ARHGAP6: variants seen among roughly 807,000 people sequenced by gnomAD.
ARHGAP6 encodes the protein Rho GTPase activating protein 6, also known as rho GTPase-activating protein 6.
Under a neutral mutation model 55.7 loss-of-function variants are expected in ARHGAP6, and 16 were observed. The observed-to-expected ratio is 0.29, with a 90% CI of 0.19 to 0.44. The LOEUF (loss-of-function observed/expected upper bound fraction) is 0.44, where lower values mean the gene tolerates loss of function less well. ARHGAP6 is among the 20% of genes least tolerant of loss of function. ARHGAP6 has a pLI of 1.00. For synonymous variants in ARHGAP6, 382 were observed against 360.9 expected (o/e 1.06, Z -0.66); for missense variants, 698 against 808.9 (o/e 0.86, Z 1.66).
rs892828458 is a variant in ARHGAP6 at position 11,196,959 on chromosome X, C to T, written c.786G>A (p.Leu262=). 1.6e-5 allele frequency: 18 copies of T among 1,112,927 alleles called. No homozygotes were observed. Among genetic ancestry groups the T allele is most frequent in the Non-Finnish European group, 2.1e-5 (17 of 806,986 alleles). The allele number at this position is 1,112,927 out of a possible 1,213,427, so 91.7% of individuals were successfully genotyped here. ...TGTTTTTCTCCTTTCCTAGTGAATC[C>T]AGTTTCTTTCTTAAAGATTTCTTTC... The part of the protein sequence containing the change: ...QKRKKSLRKK[L]DSLGKEKNKD... Residue 262 remains leucine (L), a synonymous_variant, in exon 3 of 13, where the codon CTG becomes CTA. Coordinates refer to ENST00000337414, the MANE Select transcript of ARHGAP6 (RefSeq NM_013427.3).
At chrX:11,370,730 T>C (rs1259327558) in intron 1 of ARHGAP6, among the ~76,000 whole-genome samples, 1 of 111,743 alleles carries the variant, frequency 8.9e-6, no homozygotes, top group Non-Finnish European at 1.9e-5. Context: ...ATAGTACCTA[T>C]GGCATGAAGA....
intron 1 of ARHGAP6, among the ~76,000 whole-genome samples, chrX:11,492,287 T>C (rs896111103): frequency 3.6e-5 from 4 of 111,350 alleles, no homozygotes; most frequent in African/African-American, 9.8e-5. Context: ...TCCTTGCCCA[T>C]GCCTATGTCC....
chrX:11,384,421 CA>C (rs1302186496), intron 1 of ARHGAP6, among the ~76,000 whole-genome samples: 14 of 111,839 alleles, frequency 1.3e-4, no homozygotes, highest in Admixed American at 1.0e-3. Context: ...TAATCAACAA[CA>C]AAAAACTCTG....
intron 1 of ARHGAP6, among the ~76,000 whole-genome samples, chrX:11,417,069 T>G: frequency 3.0e-5 from 1 of 33,045 alleles, no homozygotes; most frequent in South Asian, 3.2e-3. Flanking sequence ...CATATATATA[T>G]ATATATATAT....
chrX:11,303,956 T>C (rs974659737), intron 1 of ARHGAP6, among the ~76,000 whole-genome samples: 2 of 112,289 alleles, frequency 1.8e-5, no homozygotes, highest in Non-Finnish European at 3.8e-5. Flanking sequence ...CTACAGTTCT[T>C]GTAATCAGAA....
chrX:11,440,142 G>A (rs183816970), intron 1 of ARHGAP6, among the ~76,000 whole-genome samples: 25 of 112,055 alleles, frequency 2.2e-4, no homozygotes, highest in Non-Finnish European at 3.8e-4. Context: ...GTCTATATTT[G>A]GCCCTTGACA....
chrX:11,552,601 G>GACACACACAC (rs769582716), intron 1 of ARHGAP6, among the ~76,000 whole-genome samples: 6 of 35,937 alleles, frequency 1.7e-4, no homozygotes, highest in African/African-American at 4.4e-4. Context: ...TATATATATA[G>GACACACACAC]ACACACACAC....
intron 1 of ARHGAP6, among the ~76,000 whole-genome samples, chrX:11,575,068 T>C (rs2051580202): frequency 8.9e-6 from 1 of 111,925 alleles, no homozygotes. Flanking sequence ...TCACACTTCC[T>C]CACCTCCCTT....
chrX:11,301,615 G>T (rs1032277660), intron 1 of ARHGAP6, among the ~76,000 whole-genome samples: 10 of 111,593 alleles, frequency 9.0e-5, no homozygotes, highest in African/African-American at 2.9e-4. Context: ...CAAATAACTT[G>T]ATTTTAAAGA....
chrX:11,433,783 C>A (rs1342140762), intron 1 of ARHGAP6, among the ~76,000 whole-genome samples: 1 of 112,540 alleles, frequency 8.9e-6, no homozygotes, highest in Non-Finnish European at 1.9e-5. Context: ...TTGCAAACAT[C>A]TGGATCCTCA....
At chrX:11,206,347 G>T (rs769610635) in intron 2 of ARHGAP6, among the ~76,000 whole-genome samples, 2 of 112,217 alleles carry the variant, frequency 1.8e-5, no homozygotes, top group East Asian at 2.8e-4. Flanking sequence ...GTCTATTTTG[G>T]AAAACATCAA....
At chrX:11,223,465 A>G (rs1396615207) in intron 2 of ARHGAP6, among the ~76,000 whole-genome samples, 3 of 111,416 alleles carry the variant, frequency 2.7e-5, no homozygotes, top group Non-Finnish European at 5.7e-5. Context: ...ATTATCTAGA[A>G]AGCCAATGAA....
intron 1 of ARHGAP6, among the ~76,000 whole-genome samples, chrX:11,601,447 A>T (rs147814955): frequency 2.0e-4 from 22 of 111,869 alleles, no homozygotes; most frequent in African/African-American, 7.1e-4. Context: ...CTGCCTCCAG[A>T]CACCAGATGG....
intron 1 of ARHGAP6, among the ~76,000 whole-genome samples, chrX:11,559,169 G>A (rs1212959240): frequency 9.1e-6 from 1 of 109,293 alleles, no homozygotes; most frequent in Non-Finnish European, 1.9e-5. Context: ...GTGGTGGTAT[G>A]GAAGGGAGAA....
intron 1 of ARHGAP6, among the ~76,000 whole-genome samples, chrX:11,577,235 G>A (rs1375242035): frequency 8.9e-6 from 1 of 112,117 alleles, no homozygotes; most frequent in Non-Finnish European, 1.9e-5. Context: ...GACCACAGGA[G>A]GTAACACCAG....
At chrX:11,589,435 A>G (rs1423798979) in intron 1 of ARHGAP6, among the ~76,000 whole-genome samples, 2 of 106,401 alleles carry the variant, frequency 1.9e-5, no homozygotes, top group African/African-American at 6.9e-5. Context: ...AGTTTCTCAT[A>G]CATGGATATC....
intron 1 of ARHGAP6, among the ~76,000 whole-genome samples, chrX:11,523,212 T>C (rs1207106919): frequency 3.6e-5 from 4 of 111,500 alleles, no homozygotes; most frequent in South Asian, 3.8e-4. Flanking sequence ...TCTCAATAAA[T>C]TAGGTATTGA....
chrX:11,402,298 G>A (rs946375558), intron 1 of ARHGAP6, among the ~76,000 whole-genome samples: 11 of 111,814 alleles, frequency 9.8e-5, no homozygotes, highest in Middle Eastern at 4.6e-3. Context: ...ATTCAAATAT[G>A]TGTCAAGTTT....
chrX:11,426,061 A>G (rs1193932569), intron 1 of ARHGAP6, among the ~76,000 whole-genome samples: 1 of 112,666 alleles, frequency 8.9e-6, no homozygotes, highest in Non-Finnish European at 1.9e-5. Context: ...ATGAACGAGC[A>G]TTAGTAACTT....
Sources: gnomAD v4.1 joint callset for allele counts (sites outside exome capture counted in the v4.1 genomes callset) on GRCh38, gnomAD v4.1.1 for gene constraint, MANE v1.5 for transcripts, NCBI Gene and HGNC (gene_info 2026-07-23, HGNC 2026-07-21) for gene names.